Variants in CSMD1 observed in about 807,000 individuals in gnomAD.
The protein encoded by CSMD1 is CUB and Sushi multiple domains 1, also known as CUB and sushi domain-containing protein 1.
CSMD1 carries 213 observed loss-of-function variants against 417.5 expected under a neutral mutation model. The observed-to-expected ratio is 0.51, with a 90% confidence interval of 0.46 to 0.57. CSMD1 has a LOEUF of 0.57. Among genes scored for constraint, CSMD1 ranks in the 20% least tolerant of loss-of-function variants. The probability of loss-of-function intolerance (pLI) is 0.00; values close to 1 mark genes in which losing one functional copy is unlikely to be tolerated. For missense variants in CSMD1, 6,923 were observed against 4,529.7 expected (o/e 1.53, Z -15.17); for synonymous variants, 2,862 against 1,736.8 (o/e 1.65, Z -16.11).
chr8:4,674,598 G>A (rs1805556661), intron 1 of CSMD1, among the ~76,000 whole-genome samples: 1 of 152,062 alleles, frequency 6.6e-6, no homozygotes, highest in Non-Finnish European at 1.5e-5. Context: ...TGAAGCTTTG[G>A]TGCAAATCAG....
intron 5 of CSMD1, among the ~76,000 whole-genome samples, chr8:3,820,781 G>A (rs777410034): frequency 3.9e-5 from 6 of 152,002 alleles, no homozygotes; most frequent in African/African-American, 1.4e-4. Context: ...ATGGGGTTTC[G>A]CCATGTTGGC....
chr8:4,515,079 T>A (rs2130364501), intron 2 of CSMD1, among the ~76,000 whole-genome samples: 1 of 152,346 alleles, frequency 6.6e-6, no homozygotes, highest in Admixed American at 6.5e-5. Context: ...TGATACTTTA[T>A]AATCCATTCT....
chr8:3,114,776 C>T (rs1452802018), intron 42 of CSMD1, among the ~76,000 whole-genome samples: 1 of 152,032 alleles, frequency 6.6e-6, no homozygotes, highest in Non-Finnish European at 1.5e-5. Flanking sequence ...GCTTGGTAAA[C>T]CTTAAATTTA....
intron 1 of CSMD1, among the ~76,000 whole-genome samples, chr8:4,895,468 T>A (rs774942053): frequency 6.6e-6 from 1 of 152,168 alleles, no homozygotes; most frequent in Admixed American, 6.5e-5. Context: ...TGCTTTATCA[T>A]TGGCATTTGT....
At chr8:3,700,357 G>A (rs1015466496) in intron 7 of CSMD1, 1 of 152,016 alleles carries the variant, frequency 6.6e-6, no homozygotes, top group South Asian at 2.1e-4. Context: ...AATGAACAGG[G>A]TTACTTTATG....
intron 8 of CSMD1, among the ~76,000 whole-genome samples, chr8:3,603,135 TG>T (rs1424155447): frequency 6.6e-6 from 1 of 152,072 alleles, no homozygotes; most frequent in Non-Finnish European, 1.5e-5. Flanking sequence ...GGAGTGTCAA[TG>T]GGATATTATT....
intron 3 of CSMD1, among the ~76,000 whole-genome samples, chr8:4,186,969 A>C (rs1798716065): frequency 6.6e-6 from 1 of 152,176 alleles, no homozygotes; most frequent in Admixed American, 6.5e-5. Flanking sequence ...GTGACACAGC[A>C]AGATTCTGTC....
At chr8:4,929,929 C>G (rs1014224241) in intron 1 of CSMD1, among the ~76,000 whole-genome samples, 8 of 152,156 alleles carry the variant, frequency 5.3e-5, no homozygotes, top group Non-Finnish European at 1.2e-4. Context: ...ATTGCAAGAG[C>G]TAATTTAGTT....
chr8:3,841,467 C>T (rs1282879166), intron 5 of CSMD1, among the ~76,000 whole-genome samples: 1 of 152,138 alleles, frequency 6.6e-6, no homozygotes, highest in Non-Finnish European at 1.5e-5. Flanking sequence ...CAAGACCAAG[C>T]ACTGCATTCC....
intron 5 of CSMD1, among the ~76,000 whole-genome samples, chr8:3,954,753 G>C (rs547849817): frequency 6.6e-6 from 1 of 151,858 alleles, no homozygotes; most frequent in Non-Finnish European, 1.5e-5. Flanking sequence ...TTGCCCCTCA[G>C]AACTGAGCAT....
At chr8:4,303,616 A>G (rs1798099972) in intron 3 of CSMD1, among the ~76,000 whole-genome samples, 1 of 151,830 alleles carries the variant, frequency 6.6e-6, no homozygotes, top group Non-Finnish European at 1.5e-5. Flanking sequence ...ATATGAAGAG[A>G]GTTCTACCAG....
intron 1 of CSMD1, among the ~76,000 whole-genome samples, chr8:4,670,227 T>A (rs541490849): frequency 2.0e-5 from 3 of 152,302 alleles, no homozygotes; most frequent in Non-Finnish European, 4.4e-5. Context: ...TCATGTTCTT[T>A]GTGTGGATAA....
At chr8:3,047,213 C>CA (rs749861179) in intron 50 of CSMD1, among the ~76,000 whole-genome samples, 1,069 of 72,770 alleles carry the variant, frequency 0.015, 6 homozygotes, top group African/African-American at 0.039. Flanking sequence ...GACTCCCTCT[C>CA]AAAAAAAAAA....
chr8:3,530,289 T>G (rs541750474), intron 10 of CSMD1, among the ~76,000 whole-genome samples: 1 of 152,298 alleles, frequency 6.6e-6, no homozygotes, highest in Admixed American at 6.5e-5. Flanking sequence ...ATGTGATGGT[T>G]TACAGCTACA....
intron 3 of CSMD1, among the ~76,000 whole-genome samples, chr8:4,093,563 C>G (rs1453446353): frequency 6.6e-6 from 1 of 152,030 alleles, no homozygotes; most frequent in Non-Finnish European, 1.5e-5. Context: ...ATATAGAACA[C>G]CACATTGAAA....
At chr8:4,182,293 AG>A (rs1425165412) in intron 3 of CSMD1, among the ~76,000 whole-genome samples, 1 of 152,138 alleles carries the variant, frequency 6.6e-6, no homozygotes, top group African/African-American at 2.4e-5. Flanking sequence ...AAGAGGGTAA[AG>A]TTCTAAGCTT....
intron 1 of CSMD1, among the ~76,000 whole-genome samples, chr8:4,930,938 C>A (rs4256616): frequency 1.3e-5 from 2 of 151,950 alleles, no homozygotes; most frequent in African/African-American, 2.4e-5. Flanking sequence ...TTGTACAGAA[C>A]TGGAAATTTA....
chr8:3,187,536 A>T (rs10216608), intron 36 of CSMD1, among the ~76,000 whole-genome samples: 42,918 of 151,990 alleles, frequency 0.28, 6,871 homozygotes, highest in Non-Finnish European at 0.38. Context: ...TGTGCATTTT[A>T]AGAGTTGAGA....
At chr8:4,268,068 C>A (rs577331486) in intron 3 of CSMD1, among the ~76,000 whole-genome samples, 1 of 152,060 alleles carries the variant, frequency 6.6e-6, no homozygotes, top group Non-Finnish European at 1.5e-5. Context: ...TCAAAATCCT[C>A]GCAATCCACA....
Sources: allele counts gnomAD v4.1 joint callset (sites outside exome capture counted in the v4.1 genomes callset), GRCh38; gene constraint gnomAD v4.1.1; transcripts MANE v1.5; gene names NCBI Gene and HGNC (gene_info 2026-07-23, HGNC 2026-07-21).